Variants in CACNA2D1 observed in about 807,000 individuals in gnomAD.
The protein encoded by CACNA2D1 is voltage-dependent calcium channel subunit alpha-2/delta-1.
CACNA2D1 carries 53 observed loss-of-function variants against 171.5 expected under a neutral mutation model. The ratio of observed to expected loss-of-function variants is 0.31; its 90% CI spans 0.25 to 0.39. CACNA2D1 has a LOEUF of 0.39. Among genes scored for constraint, CACNA2D1 ranks in the 10% least tolerant of loss-of-function variants. The pLI is 1.00. For synonymous variants in CACNA2D1, 442 were observed against 443.1 expected, an observed-to-expected ratio of 1.00 and a Z score of 0.03; for missense variants, 903 against 1,299.8, an observed-to-expected ratio of 0.69 and a Z score of 4.69.
chr7:82,077,559 A>G (rs1203220030), intron 7 of CACNA2D1, among the ~76,000 whole-genome samples: 1 of 152,068 alleles, frequency 6.6e-6, no homozygotes, highest in Non-Finnish European at 1.5e-5. Flanking sequence ...ATGAGTAAAA[A>G]CCAAACTTCC....
intron 3 of CACNA2D1, among the ~76,000 whole-genome samples, chr7:82,219,125 A>T (rs1419048820): frequency 6.6e-6 from 1 of 152,158 alleles, no homozygotes; most frequent in Non-Finnish European, 1.5e-5. Flanking sequence ...GGTCTGAGGT[A>T]GCTACCTAAT....
chr7:82,192,078 G>A (rs1798351781), intron 3 of CACNA2D1, among the ~76,000 whole-genome samples: 1 of 151,224 alleles, frequency 6.6e-6, no homozygotes, highest in South Asian at 2.1e-4. Flanking sequence ...ACCTTACTCT[G>A]TACTATCAGA....
chr7:82,334,779 A>C (rs1217613317), intron 3 of CACNA2D1, among the ~76,000 whole-genome samples: 1 of 152,114 alleles, frequency 6.6e-6, no homozygotes, highest in Non-Finnish European at 1.5e-5. Context: ...GAGGATGATA[A>C]TATTCTGGGT....
chr7:82,394,221 T>A (rs1221879141), intron 1 of CACNA2D1, among the ~76,000 whole-genome samples: 2 of 152,044 alleles, frequency 1.3e-5, no homozygotes, highest in African/African-American at 2.4e-5. Context: ...TAAATCACAA[T>A]CGAGTGATTT....
At chr7:82,053,935 G>A (rs1328718831) in intron 10 of CACNA2D1, among the ~76,000 whole-genome samples, 3 of 152,150 alleles carry the variant, frequency 2.0e-5, no homozygotes, top group Non-Finnish European at 4.4e-5. Context: ...GATTTACAAA[G>A]AGCTGTCAGT....
intron 12 of CACNA2D1, among the ~76,000 whole-genome samples, chr7:82,014,705 G>A (rs1421118824): frequency 6.6e-6 from 1 of 152,118 alleles, no homozygotes; most frequent in Non-Finnish European, 1.5e-5. Context: ...TGAGTGTCAT[G>A]TTGCATATTC....
Position 81,959,821 on chromosome 7 carries a change from T to C in CACNA2D1, c.2975A>G (p.His992Arg), listed in dbSNP as rs1793887180. The C allele has an allele frequency of 4.3e-6, 7 of 1,611,814 alleles. No homozygotes were observed. The highest frequency in any genetic ancestry group is 4.2e-6 in the Non-Finnish European group (5 of 1,178,758). Residue 992 changes from histidine (H) to arginine (R), a missense_variant, in exon 37 of 39, where the codon CAT becomes CGT. By Grantham distance (29) the His-to-Arg change is conservative (BLOSUM62 0). Coordinates refer to ENST00000356860, the MANE Select transcript of CACNA2D1 (RefSeq NM_000722.4). ...GTTGGTGTTCATAAGCTTTTCTCCA[T>C]GAAAGATTCTGCAAAATAAATATGG... Reference protein sequence around the residue: ...LDCGNCSRIFHGEKLMNTNLI... With the variant: ...LDCGNCSRIFRGEKLMNTNLI...
intron 10 of CACNA2D1, among the ~76,000 whole-genome samples, chr7:82,044,277 G>A (rs887342849): frequency 1.3e-5 from 2 of 151,856 alleles, no homozygotes; most frequent in Non-Finnish European, 2.9e-5. Context: ...CTTTCTTTAG[G>A]GTACTTTGTA....
intron 18 of CACNA2D1, among the ~76,000 whole-genome samples, chr7:82,000,024 G>T (rs981910472): frequency 5.9e-5 from 9 of 152,226 alleles, no homozygotes; most frequent in African/African-American, 2.2e-4. Context: ...ACTTTGGGAG[G>T]CCAAGGCAGG....
At chr7:82,257,422 A>G (rs1176044114) in intron 3 of CACNA2D1, among the ~76,000 whole-genome samples, 1 of 152,222 alleles carries the variant, frequency 6.6e-6, no homozygotes, top group Non-Finnish European at 1.5e-5. Flanking sequence ...ATGCATACGC[A>G]TCTTGGGATA....
At chr7:82,094,181 C>T (rs748976047) in intron 6 of CACNA2D1, among the ~76,000 whole-genome samples, 45 of 151,530 alleles carry the variant, frequency 3.0e-4, no homozygotes, top group Non-Finnish European at 3.4e-4. Context: ...ACATAGAAGT[C>T]GGCTATAATC....
chr7:81,989,968 G>A (rs1797365667), intron 21 of CACNA2D1, among the ~76,000 whole-genome samples: 1 of 152,138 alleles, frequency 6.6e-6, no homozygotes, highest in African/African-American at 2.4e-5. Context: ...GCTAAAATGT[G>A]GTAACCTGAG....
intron 21 of CACNA2D1, among the ~76,000 whole-genome samples, chr7:81,989,925 T>C (rs908085383): frequency 6.6e-6 from 1 of 152,186 alleles, no homozygotes; most frequent in Admixed American, 6.5e-5. Context: ...CAAGGATTAC[T>C]GCAGTTGGGC....
Position 82,392,647 on chromosome 7 carries a change from G to A in CACNA2D1, c.96-42998C>T, listed in dbSNP as rs531690718. 1.1e-4 allele frequency among the ~76,000 whole-genome samples: 17 copies of A among 152,280 alleles called. No individual in the cohort carries two copies. The South Asian group carries it at 3.3e-3, about 30-fold the overall frequency. On this transcript the variant is annotated intron_variant, in intron 1 of 38. Coordinates refer to ENST00000356860, the MANE Select transcript of CACNA2D1 (RefSeq NM_000722.4). Reference sequence around the variant, plus strand: ...TTGCTGGCCACAGAAGTCCCTGACTGGCAAAGTGGCCACGAAAAATCCTGC... The same window carrying A: ...TTGCTGGCCACAGAAGTCCCTGACTAGCAAAGTGGCCACGAAAAATCCTGC...
Position 82,401,714 on chromosome 7 carries a change from G to GA in CACNA2D1, c.95+41650dup, listed in dbSNP as rs145321366. Among the ~76,000 whole-genome samples the GA allele has an allele frequency of 1.1e-3, 161 of 150,032 alleles. No individual in the cohort carries two copies. In the East Asian group the frequency reaches 0.028, roughly 26 times the overall value. ...TAAAACTTGAAGTATAATAATAAAA[G>GA]AAAAAAAAAGAAATGAAAAGATAAA... On this transcript the variant is annotated intron_variant, in intron 1 of 38. Coordinates refer to ENST00000356860, the MANE Select transcript of CACNA2D1 (RefSeq NM_000722.4).
chr7:82,104,791 T>G (rs577286875), intron 6 of CACNA2D1, among the ~76,000 whole-genome samples: 2 of 152,180 alleles, frequency 1.3e-5, no homozygotes, highest in Admixed American at 6.5e-5. Context: ...CGATACGATT[T>G]AAGAATACAT....
chr7:82,093,425 A>T lies in CACNA2D1; in HGVS notation c.527-8525T>A, dbSNP rs138852982. Among the ~76,000 whole-genome samples the T allele has an allele frequency of 9.2e-3, 1,395 of 152,158 alleles. 16 individuals carry two copies. The highest frequency in any genetic ancestry group is 0.011 in the Non-Finnish European group (760 of 67,984). On this transcript the variant is annotated intron_variant, in intron 6 of 38. Coordinates refer to ENST00000356860, the MANE Select transcript of CACNA2D1 (RefSeq NM_000722.4). Reference sequence around the variant, plus strand: ...TGATAAATTCTGATCTGACTCCTAAAATCCAAGTATGAGTGACTAAAACCT... The same window carrying T: ...TGATAAATTCTGATCTGACTCCTAATATCCAAGTATGAGTGACTAAAACCT...
chr7:82,111,196 T>C lies in CACNA2D1; in HGVS notation c.526+5848A>G, dbSNP rs187923354. ...TGATGATTGACTGCTTCTGAGGTAATTAAATGGTAATACCATGTCTAAAAA... is the reference window on the plus strand; with the variant it reads ...TGATGATTGACTGCTTCTGAGGTAACTAAATGGTAATACCATGTCTAAAAA... On this transcript the variant is annotated intron_variant, in intron 6 of 38. Coordinates refer to ENST00000356860, the MANE Select transcript of CACNA2D1 (RefSeq NM_000722.4). Among the ~76,000 whole-genome samples the C allele has an allele frequency of 4.7e-5, 7 of 150,494 alleles. No homozygotes were observed. In the East Asian group the frequency reaches 1.4e-3, roughly 29 times the overall value.
intron 2 of CACNA2D1, among the ~76,000 whole-genome samples, chr7:82,340,788 T>C (rs1023213547): frequency 6.6e-6 from 1 of 152,094 alleles, no homozygotes; most frequent in South Asian, 2.1e-4. Context: ...GAAATGAACA[T>C]ACATACATAC....
Sources: gnomAD v4.1 joint callset for allele counts (sites outside exome capture counted in the v4.1 genomes callset) on GRCh38, gnomAD v4.1.1 for gene constraint, MANE v1.5 for transcripts, NCBI Gene and HGNC (gene_info 2026-07-23, HGNC 2026-07-21) for gene names.